Variants in SAMD5 observed in about 807,000 individuals in gnomAD.
SAMD5 encodes sterile alpha motif domain containing 5, also known as sterile alpha motif domain-containing protein 5.
A neutral mutation model predicts 11.3 loss-of-function variants in SAMD5; 13 were observed. The ratio of observed to expected loss-of-function variants is 1.15; its 90% confidence interval spans 0.75 to 1.83. The LOEUF (loss-of-function observed/expected upper bound fraction) is 1.83, where lower values mean the gene tolerates loss of function less well. SAMD5 is among the 40% of genes most tolerant of loss of function. The pLI is 0.00. For synonymous variants in SAMD5, 129 were observed against 111.3 expected, an observed-to-expected ratio of 1.16 and a Z score of -1.00; for missense variants, 255 against 239.1, an observed-to-expected ratio of 1.07 and a Z score of -0.44.
chr6:147,770,561 G>A, the SAMD5 span, among the ~76,000 whole-genome samples: 9 of 152,170 alleles, frequency 5.9e-5, no homozygotes, highest in African/African-American at 2.2e-4. Flanking sequence ...AAATGGGGCT[G>A]CCATTACAAT....
chr6:147,678,553 A>C (rs942570911), intron 1 of SAMD5, among the ~76,000 whole-genome samples: 5 of 149,204 alleles, frequency 3.4e-5, no homozygotes, highest in African/African-American at 1.2e-4. Context: ...TAAGTCTACC[A>C]AAACTCTCTT....
chr6:147,645,665 A>G (rs932149182), intron 1 of SAMD5, among the ~76,000 whole-genome samples: 2 of 152,094 alleles, frequency 1.3e-5, no homozygotes, highest in Non-Finnish European at 2.9e-5. Context: ...AGCTCGGATA[A>G]TGGTGAAGTA....
chr6:147,810,501 G>C, the SAMD5 span, among the ~76,000 whole-genome samples: 3 of 152,180 alleles, frequency 2.0e-5, no homozygotes, highest in Admixed American at 2.0e-4. Context: ...TAGAGAATGT[G>C]ACAGTTCTGA....
At chr6:147,819,827 G>A in the SAMD5 span, among the ~76,000 whole-genome samples, 4 of 152,202 alleles carry the variant, frequency 2.6e-5, no homozygotes, top group Non-Finnish European at 4.4e-5. Context: ...GAAGAATGTG[G>A]GAAAAGAGAG....
At chr6:147,518,924 G>A (rs1224269241) in intron 1 of SAMD5, among the ~76,000 whole-genome samples, 1 of 152,220 alleles carries the variant, frequency 6.6e-6, no homozygotes, top group African/African-American at 2.4e-5. Context: ...GCCAATGACT[G>A]TGGATCATGC....
chr6:147,588,939 A>G (rs1789414457), intron 1 of SAMD5, among the ~76,000 whole-genome samples: 1 of 151,914 alleles, frequency 6.6e-6, no homozygotes, highest in Non-Finnish European at 1.5e-5. Context: ...CTTCTGGTTT[A>G]TGCCTGTGGT....
At chr6:147,722,018 A>T (rs1791559031) in intron 1 of SAMD5, among the ~76,000 whole-genome samples, 3 of 152,368 alleles carry the variant, frequency 2.0e-5, no homozygotes, top group Admixed American at 2.0e-4. Flanking sequence ...GAAAGAAAAA[A>T]ATATGCTTGG....
At position 147,525,686 on chromosome 6, in the gene SAMD5, T is replaced by C. The variant is rs182364811; in HGVS notation, c.459+16299T>C. ...TGTGAGCTATGGGGGTTGGTTACTA[T>C]GTGAGCGAAATCAACACCTATGTCA... On this transcript the variant is annotated intron_variant, in intron 1 of 1. Coordinates refer to ENST00000367474, the MANE Select transcript of SAMD5 (RefSeq NM_001030060.3). 2.6e-5 allele frequency among the ~76,000 whole-genome samples: 4 copies of C among 152,160 alleles called. No homozygotes were observed. The East Asian group carries it at 5.8e-4, about 22-fold the overall frequency.
intron 1 of SAMD5, among the ~76,000 whole-genome samples, chr6:147,554,162 C>T (rs181036805): frequency 3.4e-3 from 522 of 152,194 alleles, no homozygotes; most frequent in Non-Finnish European, 6.5e-3. Flanking sequence ...GGAAAAGCCC[C>T]TTATGAAACC....
chr6:147,656,167 C>T (rs1009161307), intron 1 of SAMD5, among the ~76,000 whole-genome samples: 2 of 152,048 alleles, frequency 1.3e-5, no homozygotes, highest in African/African-American at 2.4e-5. Context: ...GTTGCTCATA[C>T]CACACACAAA....
chr6:147,802,828 A>G, the SAMD5 span, among the ~76,000 whole-genome samples: 2 of 152,254 alleles, frequency 1.3e-5, no homozygotes, highest in African/African-American at 4.8e-5. Flanking sequence ...ACAAAGTTCT[A>G]CAGTGAGCAA....
Position 147,566,762 on chromosome 6 carries a change from C to T in SAMD5, c.*2306C>T. On this transcript the variant is annotated 3_prime_UTR_variant, in exon 2 of 2. Transcript: ENST00000367474. ...CTTAGTTAAAGCTAGAGGAAGAAAA[C>T]TTCAAATAAGCAAAGAAGTATTGAA... 1 of 984,902 alleles carries T rather than the reference C, an allele frequency of 1.0e-6. No homozygotes were observed. Among genetic ancestry groups the T allele is most frequent in the Non-Finnish European group, 1.2e-6 (1 of 829,520 alleles). The allele number at this position is 984,902 out of a possible 1,614,324, so 61.0% of individuals were successfully genotyped here. A position where few individuals can be genotyped will look rare whatever the true frequency, so the allele number is the denominator to read the frequency against.
the SAMD5 span, among the ~76,000 whole-genome samples, chr6:147,766,489 T>G: frequency 6.6e-6 from 1 of 152,204 alleles, no homozygotes; most frequent in Non-Finnish European, 1.5e-5. Context: ...CAGAATGACT[T>G]TTGACTTTTT....
chr6:147,811,644 G>C, the SAMD5 span, among the ~76,000 whole-genome samples: 1 of 152,304 alleles, frequency 6.6e-6, no homozygotes, highest in East Asian at 1.9e-4. Flanking sequence ...CCAGAGAAGA[G>C]GGGGAGGGGG....
intron 1 of SAMD5, among the ~76,000 whole-genome samples, chr6:147,678,953 A>C (rs1006388192): frequency 6.6e-6 from 1 of 152,148 alleles, no homozygotes; most frequent in Non-Finnish European, 1.5e-5. Flanking sequence ...GTATGTCTCA[A>C]TAGTTCATTG....
chr6:147,727,826 T>G (rs530823159), intron 1 of SAMD5, among the ~76,000 whole-genome samples: 1 of 152,292 alleles, frequency 6.6e-6, no homozygotes, highest in South Asian at 2.1e-4. Flanking sequence ...GATACTACCT[T>G]TTTGTCCCAG....
chr6:147,942,823 C>CTTTTTTTTTTTTTTTTTTTTTTTT, the SAMD5 span, among the ~76,000 whole-genome samples: 1 of 128,850 alleles, frequency 7.8e-6, no homozygotes, highest in African/African-American at 2.9e-5. Flanking sequence ...CCCAATGCTT[C>CTTTTTTTTTTTTTTTTTTTTTTTT]TTTTTTTTTT....
At chr6:147,950,089 A>G in the SAMD5 span, among the ~76,000 whole-genome samples, 1 of 152,218 alleles carries the variant, frequency 6.6e-6, no homozygotes, top group Non-Finnish European at 1.5e-5. Context: ...GAAGCCTGGA[A>G]TAGAAAACAA....
chr6:147,869,024 G>C, the SAMD5 span, among the ~76,000 whole-genome samples: 1 of 152,162 alleles, frequency 6.6e-6, no homozygotes, highest in African/African-American at 2.4e-5. Flanking sequence ...GAAAACAGAT[G>C]GTGATGGCTT....
Sources: gnomAD v4.1 joint callset for allele counts (sites outside exome capture counted in the v4.1 genomes callset) on GRCh38, gnomAD v4.1.1 for gene constraint, MANE v1.5 for transcripts, NCBI Gene and HGNC (gene_info 2026-07-23, HGNC 2026-07-21) for gene names.